Variants in ADAMTSL1 observed in about 807,000 individuals in gnomAD.
The protein encoded by ADAMTSL1 is ADAMTS-like protein 1.
ADAMTSL1 carries 126 observed loss-of-function variants against 201.8 expected under a neutral mutation model. That is an observed-to-expected ratio of 0.62 (90% CI 0.54 to 0.72). The LOEUF is 0.72. Among genes scored for constraint, ADAMTSL1 ranks in the 30% least tolerant of loss-of-function variants. The probability of loss-of-function intolerance (pLI) is 0.00; values close to 1 mark genes in which losing one functional copy is unlikely to be tolerated. For synonymous variants in ADAMTSL1, 1,121 were observed against 903.4 expected (o/e 1.24, Z -4.32); for missense variants, 2,679 against 2,277.8 (o/e 1.18, Z -3.59).
intron 14 of ADAMTSL1, chr9:18,718,186 C>T (rs773747070): frequency 1.3e-6 from 1 of 791,430 alleles, no homozygotes; most frequent in Admixed American, 1.7e-5. Flanking sequence ...TACTTATTAC[C>T]AACAAGAATC....
At chr9:18,629,491 A>T (rs944867389) in intron 5 of ADAMTSL1, among the ~76,000 whole-genome samples, 9 of 152,204 alleles carry the variant, frequency 5.9e-5, no homozygotes, top group Admixed American at 1.3e-4. Flanking sequence ...TTTTACCTCA[A>T]CTGACAAAGT....
At chr9:18,902,876 A>G (rs1830089424) in intron 26 of ADAMTSL1, among the ~76,000 whole-genome samples, 2 of 152,304 alleles carry the variant, frequency 1.3e-5, no homozygotes, top group Non-Finnish European at 2.9e-5. Context: ...AAAATCAGAA[A>G]TGAAAATGGA....
At chr9:18,128,242 T>C (rs1277478811) in intron 1 of ADAMTSL1, among the ~76,000 whole-genome samples, 1 of 152,220 alleles carries the variant, frequency 6.6e-6, no homozygotes, top group African/African-American at 2.4e-5. Flanking sequence ...AATTGCATTT[T>C]ATTTCCTCTT....
At chr9:18,392,709 G>A (rs955843326) in intron 2 of ADAMTSL1, among the ~76,000 whole-genome samples, 1 of 152,120 alleles carries the variant, frequency 6.6e-6, no homozygotes, top group African/African-American at 2.4e-5. Context: ...GTAGAATTAT[G>A]CAAAATAATT....
intron 2 of ADAMTSL1, among the ~76,000 whole-genome samples, chr9:18,287,478 C>A (rs1192464657): frequency 6.6e-6 from 1 of 150,570 alleles, no homozygotes; most frequent in Non-Finnish European, 1.5e-5. Context: ...AATGTATGTT[C>A]AGATATGTAA....
chr9:18,389,935 T>C (rs1837974445), intron 2 of ADAMTSL1, among the ~76,000 whole-genome samples: 1 of 152,168 alleles, frequency 6.6e-6, no homozygotes, highest in Non-Finnish European at 1.5e-5. Flanking sequence ...AGTCTCATCT[T>C]ATGTATTCAC....
chr9:18,394,490 A>G (rs915079869), intron 2 of ADAMTSL1, among the ~76,000 whole-genome samples: 3 of 152,130 alleles, frequency 2.0e-5, no homozygotes, highest in Non-Finnish European at 2.9e-5. Flanking sequence ...CCCATTCTGC[A>G]AGAGAGAGAG....
In ADAMTSL1 at chr9:18,178,027, G is replaced by C. The variant is rs138435050; in HGVS notation, c.207+14046G>C. On this transcript the variant is annotated intron_variant, in intron 2 of 29. Coordinates refer to the ADAMTSL1 transcript ENST00000680146. ...GATAGTGGTCGGGAAGAGGAGCCCA[G>C]ATGGCCGAATAGGAACAGCTCCAGT... 7.9e-5 allele frequency among the ~76,000 whole-genome samples: 12 copies of C among 152,340 alleles called. 1 individual carries two copies. Among genetic ancestry groups the C allele is most frequent in the Admixed American group, 3.9e-4 (6 of 15,308 alleles).
At chr9:17,928,121 A>G (rs55963805) in intron 1 of ADAMTSL1, among the ~76,000 whole-genome samples, 1 of 151,556 alleles carries the variant, frequency 6.6e-6, no homozygotes, top group Admixed American at 6.6e-5. Context: ...TAGCCTCCCA[A>G]GTAGCTGGGA....
At chr9:18,456,104 C>G (rs2131689567) in intron 2 of ADAMTSL1, among the ~76,000 whole-genome samples, 1 of 152,288 alleles carries the variant, frequency 6.6e-6, no homozygotes, top group Admixed American at 6.5e-5. Context: ...ATAATCCCAG[C>G]TAAGTGATTC....
At chr9:18,180,771 A>T (rs1302049907) in intron 2 of ADAMTSL1, among the ~76,000 whole-genome samples, 1 of 152,156 alleles carries the variant, frequency 6.6e-6, no homozygotes, top group African/African-American at 2.4e-5. Context: ...TCTTCACAGA[A>T]TTGGAAAAAA....
chr9:18,404,493 C>T (rs1818108133), intron 2 of ADAMTSL1, among the ~76,000 whole-genome samples: 1 of 152,216 alleles, frequency 6.6e-6, no homozygotes, highest in South Asian at 2.1e-4. Context: ...GTTCACCAGG[C>T]TCAAGTCAGC....
chr9:18,696,938 G>A (rs938781993), intron 13 of ADAMTSL1, among the ~76,000 whole-genome samples: 4 of 150,562 alleles, frequency 2.7e-5, no homozygotes, highest in Non-Finnish European at 5.9e-5. Context: ...GGAGTGCAGT[G>A]GTGTGATCTC....
intron 1 of ADAMTSL1, among the ~76,000 whole-genome samples, chr9:17,974,284 G>A (rs534534519): frequency 3.1e-4 from 47 of 152,038 alleles, no homozygotes; most frequent in African/African-American, 1.1e-3. Context: ...GGTATTCAAT[G>A]AGGAAAAGAG....
intron 2 of ADAMTSL1, among the ~76,000 whole-genome samples, chr9:18,258,908 A>G (rs1831803057): frequency 6.6e-6 from 1 of 152,194 alleles, no homozygotes; most frequent in Non-Finnish European, 1.5e-5. Flanking sequence ...TGCGTAGGTC[A>G]GCAATGACCT....
chr9:18,311,170 C>T (rs746707615), intron 2 of ADAMTSL1, among the ~76,000 whole-genome samples: 3 of 151,202 alleles, frequency 2.0e-5, no homozygotes, highest in Non-Finnish European at 4.4e-5. Context: ...CAGATGGACA[C>T]AGGGAGGGGA....
At chr9:17,950,671 A>G (rs1342779378) in intron 1 of ADAMTSL1, among the ~76,000 whole-genome samples, 1 of 152,070 alleles carries the variant, frequency 6.6e-6, no homozygotes, top group Non-Finnish European at 1.5e-5. Context: ...CCATCATATG[A>G]ATATATCAGA....
chr9:18,824,133 G>A (rs1006065176), intron 21 of ADAMTSL1, among the ~76,000 whole-genome samples: 23 of 152,070 alleles, frequency 1.5e-4, no homozygotes, highest in Non-Finnish European at 3.2e-4. Context: ...ATAGCTAAGA[G>A]TGCATTTCTT....
At position 18,468,935 on chromosome 9, in the gene ADAMTSL1, G is replaced by A. The variant is rs556676176; in HGVS notation, c.208-35894G>A. 2.6e-4 allele frequency among the ~76,000 whole-genome samples: 39 copies of A among 152,300 alleles called. No homozygotes were observed. The South Asian group carries it at 5.0e-3, about 19-fold the overall frequency. On this transcript the variant is annotated intron_variant, in intron 2 of 29. Coordinates refer to the ADAMTSL1 transcript ENST00000680146. ...GTCACGTAAGCAACATGCTATGCTAGACACTTTGCAGGGAAAGAGAGGAAG... is the reference window on the plus strand; with the variant it reads ...GTCACGTAAGCAACATGCTATGCTAAACACTTTGCAGGGAAAGAGAGGAAG...
Sources: gnomAD v4.1 joint callset for allele counts (sites outside exome capture counted in the v4.1 genomes callset) on GRCh38, gnomAD v4.1.1 for gene constraint, MANE v1.5 for transcripts, NCBI Gene and HGNC (gene_info 2026-07-23, HGNC 2026-07-21) for gene names.